Variants in CCSER1 observed in about 807,000 individuals in gnomAD.
The protein encoded by CCSER1 is serine-rich coiled-coil domain-containing protein 1.
A neutral mutation model predicts 82.0 loss-of-function variants in CCSER1; 41 were observed. That is an observed-to-expected ratio of 0.50 (90% CI 0.39 to 0.65). The LOEUF is 0.65. CCSER1 is among the 30% of genes least tolerant of loss of function. CCSER1 has a pLI of 0.00. For synonymous variants in CCSER1, 414 were observed against 383.9 expected, an observed-to-expected ratio of 1.08 and a Z score of -0.92; for missense variants, 1,119 against 1,064.2, an observed-to-expected ratio of 1.05 and a Z score of -0.72.
chr4:90,273,029 A>T (rs944396753), intron 1 of CCSER1, among the ~76,000 whole-genome samples: 1 of 152,014 alleles, frequency 6.6e-6, no homozygotes, highest in Non-Finnish European at 1.5e-5. Context: ...AAACAAAAAA[A>T]AACAGAACTA....
At chr4:90,918,571 C>T (rs977590341) in intron 8 of CCSER1, among the ~76,000 whole-genome samples, 3 of 114,536 alleles carry the variant, frequency 2.6e-5, no homozygotes, top group East Asian at 2.1e-4. Context: ...AGTATGCGCA[C>T]GTGCAAATGA....
chr4:91,148,724 A>G (rs2148946864), intron 10 of CCSER1, among the ~76,000 whole-genome samples: 1 of 152,230 alleles, frequency 6.6e-6, no homozygotes. Flanking sequence ...TATGAGTGAG[A>G]ACATGTGGTG....
intron 9 of CCSER1, among the ~76,000 whole-genome samples, chr4:91,075,953 T>G (rs949326106): frequency 6.6e-6 from 1 of 152,146 alleles, no homozygotes; most frequent in Non-Finnish European, 1.5e-5. Flanking sequence ...CCCTAACAGT[T>G]TTCCACATTC....
chr4:90,917,215 G>C (rs767238973), intron 8 of CCSER1, among the ~76,000 whole-genome samples: 3 of 152,076 alleles, frequency 2.0e-5, no homozygotes, highest in East Asian at 1.9e-4. Flanking sequence ...CACATGCACA[G>C]ATATGTTTAT....
intron 9 of CCSER1, among the ~76,000 whole-genome samples, chr4:90,941,001 A>T (rs369599017): frequency 5.3e-5 from 8 of 152,148 alleles, no homozygotes; most frequent in South Asian, 2.1e-4. Flanking sequence ...TGTATTATGT[A>T]TACATAATAT....
chr4:90,809,188 C>T (rs1017255864), intron 7 of CCSER1, among the ~76,000 whole-genome samples: 1 of 150,552 alleles, frequency 6.6e-6, no homozygotes, highest in Non-Finnish European at 1.5e-5. Flanking sequence ...GGCATGGTAG[C>T]ATATGCCTGT....
rs114847283 is a variant in CCSER1 at position 90,289,804 on chromosome 4, T to G, written c.-41-18440T>G. Among the ~76,000 whole-genome samples the G allele has an allele frequency of 6.3e-3, 959 of 151,960 alleles. 9 individuals are homozygous for G. Among genetic ancestry groups the G allele is most frequent in the African/African-American group, 0.022 (930 of 41,522 alleles). ...ATTTATCCTTTGCTTCCCTTTATGTTGAGCAGAGGTCTAAGCCCTCAACTT... is the reference window on the plus strand; with the variant it reads ...ATTTATCCTTTGCTTCCCTTTATGTGGAGCAGAGGTCTAAGCCCTCAACTT... On this transcript the variant is annotated intron_variant, in intron 1 of 10. Coordinates refer to ENST00000509176, the MANE Select transcript of CCSER1 (RefSeq NM_001145065.2).
At chr4:90,368,536 C>T (rs982270926) in intron 3 of CCSER1, among the ~76,000 whole-genome samples, 10 of 151,668 alleles carry the variant, frequency 6.6e-5, no homozygotes, top group Admixed American at 2.6e-4. Flanking sequence ...GGGTGGCTGA[C>T]GCAGGAGGAT....
chr4:90,692,244 C>G (rs1337043762), intron 6 of CCSER1, among the ~76,000 whole-genome samples: 1 of 151,634 alleles, frequency 6.6e-6, no homozygotes, highest in Non-Finnish European at 1.5e-5. Context: ...AATAGCTGGT[C>G]TGTGTTATGT....
At chr4:90,918,370 G>T (rs2150229694) in intron 8 of CCSER1, 1 of 409,900 alleles carries the variant, frequency 2.4e-6, no homozygotes, top group Non-Finnish European at 4.8e-6. Flanking sequence ...CTGATTTTTT[G>T]GGATTATTGA....
intron 10 of CCSER1, among the ~76,000 whole-genome samples, chr4:91,358,550 G>T (rs1158062080): frequency 6.6e-6 from 1 of 151,996 alleles, no homozygotes; most frequent in Non-Finnish European, 1.5e-5. Flanking sequence ...TTCCAGCCAA[G>T]TCAAAACCAA....
chr4:91,388,016 C>T (rs902171144), intron 10 of CCSER1, among the ~76,000 whole-genome samples: 1 of 151,970 alleles, frequency 6.6e-6, no homozygotes, highest in African/African-American at 2.4e-5. Flanking sequence ...TTAGTTCACC[C>T]TATCAAAATA....
At chr4:90,995,723 G>A (rs751695411) in intron 9 of CCSER1, among the ~76,000 whole-genome samples, 7 of 151,810 alleles carry the variant, frequency 4.6e-5, no homozygotes, top group Admixed American at 2.0e-4. Context: ...GTATTAGTTC[G>A]GTGTGTTGCC....
chr4:91,308,900 A>C (rs1330052059), intron 10 of CCSER1, among the ~76,000 whole-genome samples: 1 of 151,966 alleles, frequency 6.6e-6, no homozygotes, highest in African/African-American at 2.4e-5. Context: ...GAAATGAATT[A>C]AGTTTACTTC....
At chr4:90,351,983 A>G (rs535309186) in intron 3 of CCSER1, among the ~76,000 whole-genome samples, 2 of 152,304 alleles carry the variant, frequency 1.3e-5, no homozygotes, top group East Asian at 3.9e-4. Flanking sequence ...CAACTTTATA[A>G]TTTATGAGCA....
At chr4:90,838,932 C>G (rs781427215) in intron 8 of CCSER1, 2 of 1,613,494 alleles carry the variant, frequency 1.2e-6, no homozygotes, top group South Asian at 2.2e-5. Flanking sequence ...TTCTCCTGTT[C>G]AATCGTTTCT....
At chr4:91,168,587 C>T (rs1177743503) in intron 10 of CCSER1, among the ~76,000 whole-genome samples, 10 of 151,052 alleles carry the variant, frequency 6.6e-5, no homozygotes, top group African/African-American at 1.2e-4. Context: ...CGCCTCTGCC[C>T]GGCCACCCCA....
At chr4:90,511,197 A>T (rs1416654792) in intron 5 of CCSER1, among the ~76,000 whole-genome samples, 1 of 152,116 alleles carries the variant, frequency 6.6e-6, no homozygotes, top group Non-Finnish European at 1.5e-5. Context: ...CGGCAAGCAG[A>T]TCATGAGGTC....
chr4:90,368,537 G>T (rs1268491347), intron 3 of CCSER1, among the ~76,000 whole-genome samples: 4 of 151,926 alleles, frequency 2.6e-5, no homozygotes, highest in East Asian at 1.9e-4. Flanking sequence ...GGTGGCTGAC[G>T]CAGGAGGATC....
Sources: allele counts gnomAD v4.1 joint callset (sites outside exome capture counted in the v4.1 genomes callset), GRCh38; gene constraint gnomAD v4.1.1; transcripts MANE v1.5; gene names NCBI Gene and HGNC (gene_info 2026-07-23, HGNC 2026-07-21).